FMN1: variants seen among roughly 807,000 people sequenced by gnomAD.
FMN1 encodes the protein formin-1.
FMN1 carries 110 observed loss-of-function variants against 132.4 expected under a neutral mutation model. The ratio of observed to expected loss-of-function variants is 0.83; its 90% CI spans 0.71 to 0.97. The LOEUF is 0.97. Among genes scored for constraint, FMN1 ranks in the 50% least tolerant of loss-of-function variants. FMN1 has a pLI of 0.00. For missense variants in FMN1, 1,792 were observed against 1,705.3 expected, an observed-to-expected ratio of 1.05 and a Z score of -0.90; for synonymous variants, 722 against 651.7, an observed-to-expected ratio of 1.11 and a Z score of -1.64.
chr15:33,065,704 T>C (rs774320398), intron 5 of FMN1, among the ~76,000 whole-genome samples: 1 of 152,192 alleles, frequency 6.6e-6, no homozygotes, highest in Non-Finnish European at 1.5e-5. Flanking sequence ...ACTGAATATT[T>C]TAAATATATA....
intron 17 of FMN1, among the ~76,000 whole-genome samples, chr15:32,839,797 A>G (rs1323147989): frequency 1.3e-5 from 2 of 151,974 alleles, no homozygotes; most frequent in Non-Finnish European, 2.9e-5. Context: ...TGCTTAGCTC[A>G]CAGGTATGGT....
At chr15:33,092,759 A>G (rs892523015) in intron 4 of FMN1, among the ~76,000 whole-genome samples, 1 of 152,216 alleles carries the variant, frequency 6.6e-6, no homozygotes, top group Non-Finnish European at 1.5e-5. Context: ...ATACACTATC[A>G]TGTCTGCTCC....
intron 16 of FMN1, among the ~76,000 whole-genome samples, chr15:32,884,201 A>G (rs547507022): frequency 3.2e-4 from 49 of 152,268 alleles, no homozygotes; most frequent in African/African-American, 5.8e-4. Context: ...TTTTAGTTCT[A>G]TATGTTAGAA....
intron 16 of FMN1, among the ~76,000 whole-genome samples, chr15:32,875,384 G>C (rs1451705089): frequency 6.6e-6 from 1 of 152,168 alleles, no homozygotes; most frequent in Non-Finnish European, 1.5e-5. Flanking sequence ...TTTGTCAACT[G>C]TAAGGAATTA....
rs375927761 is a variant in FMN1 at position 33,065,221 on chromosome 15, T to C, written c.2044-147A>G. 2.9e-4 allele frequency: 151 copies of C among 512,668 alleles called. 1 individual carries two copies. Among genetic ancestry groups the C allele is most frequent in the African/African-American group, 2.5e-3 (127 of 51,696 alleles). The allele number at this position is 512,668 out of a possible 1,614,324, so 31.8% of individuals were successfully genotyped here. ...TCACTATAATTCAGATATCTCACTATAGTGTGACCCTTTTCCAGAAGTGTA... is the reference window on the plus strand; with the variant it reads ...TCACTATAATTCAGATATCTCACTACAGTGTGACCCTTTTCCAGAAGTGTA... On this transcript the variant is annotated intron_variant, in intron 5 of 20. Coordinates refer to ENST00000616417, the MANE Select transcript of FMN1 (RefSeq NM_001277313.2).
intron 17 of FMN1, among the ~76,000 whole-genome samples, chr15:32,850,025 T>C (rs1383169854): frequency 6.6e-6 from 1 of 152,186 alleles, no homozygotes; most frequent in Middle Eastern, 3.2e-3. Flanking sequence ...CACAAGAGAT[T>C]ATCTTAATTC....
intron 6 of FMN1, among the ~76,000 whole-genome samples, chr15:33,026,096 TACACACACACACACACACAC>T (rs58334971): frequency 1.4e-5 from 2 of 144,816 alleles, no homozygotes; most frequent in Non-Finnish European, 3.0e-5. Context: ...TGCTTAGGCA[TACACACACACACACACACAC>T]ACACACACAC....
chr15:32,848,312 GTTCC>G (rs2141248222), intron 17 of FMN1, among the ~76,000 whole-genome samples: 1 of 150,112 alleles, frequency 6.7e-6, no homozygotes. Flanking sequence ...GAACGGAGGG[GTTCC>G]AGCAGGTTCA....
intron 19 of FMN1, among the ~76,000 whole-genome samples, chr15:32,792,089 AG>A (rs1206859029): frequency 1.3e-5 from 2 of 152,056 alleles, no homozygotes; most frequent in Admixed American, 6.6e-5. Flanking sequence ...GAGATGAAGA[AG>A]GGGAGTAGTC....
chr15:32,885,690 T>A (rs1279845076), intron 16 of FMN1, among the ~76,000 whole-genome samples: 1 of 152,106 alleles, frequency 6.6e-6, no homozygotes, highest in African/African-American at 2.4e-5. Flanking sequence ...AAAATGCCAT[T>A]CAAAGTTCTT....
chr15:33,100,705 C>A (rs10519790), intron 4 of FMN1, among the ~76,000 whole-genome samples: 1 of 152,126 alleles, frequency 6.6e-6, no homozygotes, highest in Admixed American at 6.5e-5. Flanking sequence ...TTGTGTGAAT[C>A]TATCCTTCTG....
chr15:32,875,197 T>C (rs1017747602), intron 16 of FMN1, among the ~76,000 whole-genome samples: 1 of 152,214 alleles, frequency 6.6e-6, no homozygotes, highest in Non-Finnish European at 1.5e-5. Context: ...CTATGAAAGT[T>C]TTCCTGCTAT....
intron 4 of FMN1, among the ~76,000 whole-genome samples, chr15:33,122,820 G>A (rs559566093): frequency 7.9e-5 from 12 of 152,252 alleles, no homozygotes; most frequent in African/African-American, 2.4e-4. Context: ...AGAGGGAACT[G>A]GAATATTTCT....
chr15:33,083,314 T>C (rs926560040), intron 5 of FMN1, among the ~76,000 whole-genome samples: 21 of 152,208 alleles, frequency 1.4e-4, no homozygotes, highest in East Asian at 3.8e-4. Context: ...AGAAACAATA[T>C]TGGTGAAAGG....
At chr15:32,775,444 T>C (rs2056385622) in intron 20 of FMN1, among the ~76,000 whole-genome samples, 1 of 152,040 alleles carries the variant, frequency 6.6e-6, no homozygotes, top group Admixed American at 6.5e-5. Flanking sequence ...CTCTCTGCCT[T>C]GGGGGAACAA....
intron 4 of FMN1, among the ~76,000 whole-genome samples, chr15:33,128,544 A>G (rs745961635): frequency 6.6e-6 from 1 of 152,262 alleles, no homozygotes; most frequent in Non-Finnish European, 1.5e-5. Context: ...TTAAGTAAAC[A>G]CATACCGAGT....
chr15:33,043,811 G>A (rs1442136097), intron 6 of FMN1, among the ~76,000 whole-genome samples: 2 of 152,204 alleles, frequency 1.3e-5, no homozygotes, highest in Admixed American at 6.5e-5. Context: ...GGGCACAGCT[G>A]CAGCTGCCCA....
At chr15:33,119,186 T>C (rs1962317220) in intron 4 of FMN1, among the ~76,000 whole-genome samples, 1 of 152,204 alleles carries the variant, frequency 6.6e-6, no homozygotes, top group Non-Finnish European at 1.5e-5. Flanking sequence ...ATCTCTATGT[T>C]CAATGAACAC....
intron 7 of FMN1, among the ~76,000 whole-genome samples, chr15:33,002,822 G>C (rs562951655): frequency 6.6e-6 from 1 of 152,332 alleles, no homozygotes; most frequent in African/African-American, 2.4e-5. Flanking sequence ...CTTTGGGTCA[G>C]ATTAGAGAAG....
Sources: gnomAD v4.1 joint callset for allele counts (sites outside exome capture counted in the v4.1 genomes callset) on GRCh38, gnomAD v4.1.1 for gene constraint, MANE v1.5 for transcripts, NCBI Gene and HGNC (gene_info 2026-07-23, HGNC 2026-07-21) for gene names.